Variants in BTBD19 observed in about 807,000 individuals in gnomAD.
The protein encoded by BTBD19 is BTB/POZ domain-containing protein 19.
A neutral mutation model predicts 36.1 loss-of-function variants in BTBD19; 20 were observed. That is an observed-to-expected ratio of 0.55 (90% CI 0.39 to 0.80). The LOEUF is 0.80. Among genes scored for constraint, BTBD19 ranks in the 30% least tolerant of loss-of-function variants. The pLI, the probability that BTBD19 is intolerant of heterozygous loss-of-function variation, is 0.00. For missense variants in BTBD19, 325 were observed against 389.8 expected, an observed-to-expected ratio of 0.83 and a Z score of 1.40; for synonymous variants, 157 against 174.3, an observed-to-expected ratio of 0.90 and a Z score of 0.78.
chr1:44,814,045 AC>A, exon 8 of BTBD19: 1 of 570,694 alleles, frequency 1.8e-6, no homozygotes, highest in Non-Finnish European at 3.1e-6. Context: ...CCACACCCTG[AC>A]TCTACGCCCT....
intron 4 of BTBD19, 103 bp from the exon 5 acceptor site, chr1:44,812,893 C>A: frequency 1.7e-6 from 2 of 1,144,594 alleles, no homozygotes; most frequent in East Asian, 2.6e-5. Flanking sequence ...TGTCAGCCTC[C>A]CCAGCTAGGG....
chr1:44,814,520 G>C (rs1573630997), downstream of BTBD19: 1 of 147,012 alleles, frequency 6.8e-6, no homozygotes, highest in Non-Finnish European at 1.5e-5. Context: ...GGATGGTCTC[G>C]ATCTCCTGAC....
rs1652354019 is a variant in BTBD19, at chr1:44,810,477, G to A, written c.300+51G>A. Reference sequence around the variant, plus strand: ...GTGGGAGAGGTGGGGGGTGCCAGAGGCAGGAGTTTGCCCATTACACTGTGG... The same window carrying A: ...GTGGGAGAGGTGGGGGGTGCCAGAGACAGGAGTTTGCCCATTACACTGTGG... On this transcript the variant is annotated intron_variant, in intron 2 of 7. Coordinates refer to ENST00000450269, the Ensembl canonical transcript of BTBD19. This position sits in a 1 kb window ranked among gnomAD's most constrained non-coding sequence, Gnocchi z 4.2. The A allele has an allele frequency of 1.9e-6, 3 of 1,550,908 alleles. No homozygotes were observed. Among genetic ancestry groups the A allele is most frequent in the South Asian group, 1.2e-5 (1 of 83,852 alleles).
Position 44,810,649 on chromosome 1 carries a change from C to G in BTBD19, c.354+42C>G. On this transcript the variant is annotated intron_variant, in intron 3 of 7. Coordinates refer to ENST00000450269, the Ensembl canonical transcript of BTBD19. The surrounding 1 kb of genome is among the most constrained non-coding windows in gnomAD (Gnocchi z 4.2). The stretch of plus-strand genomic sequence containing the variant: ...GGTCCCTGTCTCATTTCCCTTGCTT[C>G]TCACGGGCTCACTTCCCGCCCTGCC... The G allele has an allele frequency of 6.7e-7, 1 of 1,493,128 alleles. No individual in the cohort carries two copies. The highest frequency in any genetic ancestry group is 9.0e-7 in the Non-Finnish European group (1 of 1,113,408). 92.5% of individuals were successfully genotyped at this position (1,493,128 alleles called of 1,614,324 possible).
downstream of BTBD19, chr1:44,814,200 T>TTCTTTCTTTC (rs1557635660): frequency 6.6e-6 from 1 of 150,452 alleles, no homozygotes; most frequent in Admixed American, 7.0e-5. Flanking sequence ...CTTTCTTTCT[T>TTCTTTCTTTC]TCTTTCTTTC....
chr1:44,808,661 G>C, exon 1 of BTBD19: 1 of 507,082 alleles, frequency 2.0e-6, no homozygotes. Flanking sequence ...GATGCCTTCA[G>C]GAGCTTGGGC....
chr1:44,812,807 G>C (rs1461354998), intron 4 of BTBD19, among the ~76,000 whole-genome samples, 189 bp from the exon 5 acceptor site: 1 of 73,308 alleles, frequency 1.4e-5, no homozygotes, highest in Non-Finnish European at 3.0e-5. Flanking sequence ...GTGTGTGTGT[G>C]TGTGTGTGTG....
Position 44,810,859 on chromosome 1 carries a change from T to C in BTBD19, c.354+252T>C. ...TGCTGTAGATACAAAGATATCAGCC[T>C]TGATCCGTGTTCTCCAGAGAGGGAG... On this transcript the variant is annotated intron_variant, in intron 3 of 7. Coordinates refer to ENST00000450269, the Ensembl canonical transcript of BTBD19. This position sits in a 1 kb window ranked among gnomAD's most constrained non-coding sequence, Gnocchi z 4.2. The C allele has an allele frequency of 2.9e-6, 1 of 340,350 alleles. No homozygotes were observed. The highest frequency in any genetic ancestry group is 2.3e-5 in the South Asian group (1 of 43,828). 21.1% of individuals were successfully genotyped at this position (340,350 alleles called of 1,614,324 possible).
chr1:44,814,219 T>C (rs1652615630), downstream of BTBD19: 1 of 129,318 alleles, frequency 7.7e-6, no homozygotes, highest in South Asian at 2.1e-4. Flanking sequence ...TCTTTTTCTT[T>C]CTTTCTCTTT....
chr1:44,813,319 G>C lies in BTBD19; in HGVS notation c.615+50G>C, dbSNP rs772425762. ...GGGCACGGAAGGAGGTGCTGGCCAC[G>C]AGACTGGTGAGCGGGCGGCAGGACA... On this transcript the variant is annotated intron_variant, in intron 6 of 7. Transcript: ENST00000450269. This position sits in a 1 kb window ranked among gnomAD's most constrained non-coding sequence, Gnocchi z 7.8. 6.5e-7 allele frequency: 1 copy of C among 1,539,036 alleles called. No homozygotes were observed. The highest frequency in any genetic ancestry group is 2.4e-5 in the East Asian group (1 of 40,844).
intron 4 of BTBD19, among the ~76,000 whole-genome samples, chr1:44,812,705 A>C (rs552388316): frequency 6.6e-6 from 1 of 152,042 alleles, no homozygotes; most frequent in Non-Finnish European, 1.5e-5. Context: ...CCTCAAAAAA[A>C]ATCAAGCCTA....
chr1:44,812,549 C>T, intron 4 of BTBD19: 1 of 424,026 alleles, frequency 2.4e-6, no homozygotes, highest in Middle Eastern at 7.6e-4. Flanking sequence ...ATTAAAAATA[C>T]AGAAAATTAG....
downstream of BTBD19, chr1:44,814,224 C>CTTTCTTTCTTTT (rs759557483): frequency 8.5e-6 from 1 of 117,480 alleles, no homozygotes; most frequent in East Asian, 2.6e-4. Context: ...TTCTTTCTTT[C>CTTTCTTTCTTTT]TCTTTCCTTC....
exon 1 of BTBD19, chr1:44,808,541 G>A (rs1229750629): frequency 2.3e-5 from 7 of 302,578 alleles, no homozygotes; most frequent in East Asian, 1.2e-4. Flanking sequence ...TTTCGCCGCC[G>A]CCGCCGCCGC....
Position 44,813,139 on chromosome 1 carries a change from A to C in BTBD19, c.485A>C (p.Glu162Ala). ...CCTGACCCATTTGCCGGCTCGCAGG[A>C]GGCCCTCCGGACCCGAGGCTTCCTG... Residue 162 changes from glutamate to alanine, a missense_variant and splice_region_variant, in exon 6 of 8, where the codon GAG (glutamate) becomes GCG (alanine). Physicochemically the swap from Glu to Ala is moderately radical, Grantham distance 107. Coordinates refer to ENST00000450269, the Ensembl canonical transcript of BTBD19. The surrounding 1 kb of genome is among the most constrained non-coding windows in gnomAD (Gnocchi z 7.8). 6.5e-7 allele frequency: 1 copy of C among 1,546,166 alleles called. No homozygotes were observed. The highest frequency in any genetic ancestry group is 1.2e-5 in the South Asian group (1 of 83,726).
chr1:44,812,102 G>A lies in BTBD19; in HGVS notation c.414+4G>A. 1.5e-6 allele frequency: 2 copies of A among 1,304,046 alleles called. No homozygotes were observed. The highest frequency in any genetic ancestry group is 2.0e-6 in the Non-Finnish European group (2 of 987,708). 80.8% of individuals were successfully genotyped at this position (1,304,046 alleles called of 1,614,324 possible). A position where few individuals can be genotyped will look rare whatever the true frequency, so the allele number is the denominator to read the frequency against. ...CTTGGTTTGTGAGGCCCTGCAGGTG[G>A]GTGCTGCTGGACAGGCATGGTAGGA... On this transcript the variant is annotated splice_donor_region_variant and intron_variant, in intron 4 of 7. Coordinates refer to ENST00000450269, the Ensembl canonical transcript of BTBD19.
chr1:44,813,895 C>G lies in BTBD19; in HGVS notation c.*123C>G. ...TTCCCAGCGTGCCCAGTGAGCCGGGCGCCGGAAGAACCGTTGTCTGCCACG... is the reference window on the plus strand; with the variant it reads ...TTCCCAGCGTGCCCAGTGAGCCGGGGGCCGGAAGAACCGTTGTCTGCCACG... On this transcript the variant is annotated 3_prime_UTR_variant, in exon 8 of 8. Coordinates refer to ENST00000450269, the Ensembl canonical transcript of BTBD19. The surrounding 1 kb of genome is among the most constrained non-coding windows in gnomAD (Gnocchi z 7.8). The G allele has an allele frequency of 7.0e-7, 1 of 1,419,114 alleles. No individual in the cohort carries two copies. Among genetic ancestry groups the G allele is most frequent in the Non-Finnish European group, 9.6e-7 (1 of 1,040,714 alleles). The allele number at this position is 1,419,114 out of a possible 1,614,324, so 87.9% of individuals were successfully genotyped here.
chr1:44,810,127 A>G lies in BTBD19; in HGVS notation c.87-86A>G. 8.2e-7 allele frequency: 1 copy of G among 1,220,546 alleles called. No homozygotes were observed. Among genetic ancestry groups the G allele is most frequent in the Admixed American group, 2.0e-5 (1 of 50,120 alleles). 75.6% of individuals were successfully genotyped at this position (1,220,546 alleles called of 1,614,324 possible). On this transcript the variant is annotated intron_variant, in intron 1 of 7. Transcript: ENST00000450269. The surrounding 1 kb of genome is among the most constrained non-coding windows in gnomAD (Gnocchi z 4.2). ...TCTCTTACATTCTGGTTAGGAAACT[A>G]AGACCCAGAGTGGGCAAAGGCACAG...
At chr1:44,814,208 TTCTTTTTCTTTCTTTCTC>T (rs1557635765), downstream of BTBD19, 1 of 143,646 alleles carries the variant, frequency 7.0e-6, no homozygotes, top group African/African-American at 3.0e-5. Context: ...CTTTCTTTCT[TTCTTTTTCTTTCTTTCTC>T]TTTCCTTCCT....
Sources: allele counts gnomAD v4.1 joint callset (sites outside exome capture counted in the v4.1 genomes callset), GRCh38; gene constraint gnomAD v4.1.1; non-coding constraint Gnocchi (gnomAD v3.1); transcripts MANE v1.5; gene names NCBI Gene and HGNC (gene_info 2026-07-23, HGNC 2026-07-21).